The following TIMM22 variants were observed in gnomAD, a reference collection of about 807,000 sequenced individuals.
The protein encoded by TIMM22 is translocase of inner mitochondrial membrane 22.
In TIMM22, 12 loss-of-function variants were observed where a neutral mutation model predicts 18.3. The ratio of observed to expected loss-of-function variants is 0.65; its 90% CI spans 0.42 to 1.06. The LOEUF (loss-of-function observed/expected upper bound fraction) is 1.06. Among genes scored for constraint, TIMM22 ranks in the 50% least tolerant of loss-of-function variants. TIMM22 has a pLI of 0.00. For missense variants in TIMM22, 278 were observed against 252.8 expected, an observed-to-expected ratio of 1.10 and a Z score of -0.68; for synonymous variants, 107 against 98.5, an observed-to-expected ratio of 1.09 and a Z score of -0.51.
chr17:998,859 C>T lies in TIMM22; in HGVS notation c.319C>T (p.Arg107Cys), dbSNP rs142757997. 443 of 1,614,080 alleles carry T rather than the reference C, an allele frequency of 2.7e-4. 1 individual carries two copies. The Middle Eastern group carries it at 0.014, about 50-fold the overall frequency. ...GGGCTTTGACCCTAAGGATCCTTAC[C>T]GTACACCGACTGCAAAAGAAGTGCT... ...NVGFDPKDPY[R>C]TPTAKEVLKD... The change falls in exon 2 of 4, where the codon CGT becomes TGT. Residue 107 changes from arginine (R) to cysteine (C), a missense_variant. Physicochemically the swap from Arg to Cys is radical, Grantham distance 180 (BLOSUM62 -3). Transcript: ENST00000327158.
chr17:1,002,809 A>C lies in TIMM22; in HGVS notation c.*1721A>C, dbSNP rs2069779372. ...TAGCACGTGGGACCAAATACAAGAG[A>C]TGCTGCCCTCACAACAGCCTTGGAA... On this transcript the variant is annotated 3_prime_UTR_variant, in exon 4 of 4. Transcript: ENST00000327158. The C allele has an allele frequency of 6.6e-6, 1 of 152,152 alleles. No homozygotes were observed. The highest frequency in any genetic ancestry group is 6.6e-5 in the Admixed American group (1 of 15,262). 9.4% of individuals were successfully genotyped at this position (152,152 alleles called of 1,614,324 possible).
chr17:997,531 TC>T (rs1278903425), intron 1 of TIMM22, 151 bp downstream of exon 1: 7 of 741,836 alleles, frequency 9.4e-6, no homozygotes, highest in African/African-American at 8.9e-5. Flanking sequence ...GCGTCACCTC[TC>T]CTGCCCCCTC....
In TIMM22 at chr17:1,002,562, G is replaced by A. The variant is rs962598216; in HGVS notation, c.*1474G>A. 6.6e-6 allele frequency: 1 copy of A among 152,180 alleles called. No individual in the cohort carries two copies. The highest frequency in any genetic ancestry group is 1.5e-5 in the Non-Finnish European group (1 of 68,042). 9.4% of individuals were successfully genotyped at this position (152,180 alleles called of 1,614,324 possible). On this transcript the variant is annotated 3_prime_UTR_variant, in exon 4 of 4. Coordinates refer to ENST00000327158, the MANE Select transcript of TIMM22 (RefSeq NM_013337.4). ...ATGTGAGTTCCTGCTCAGGGCTCAT[G>A]TCCTTTTACAGTGAATTCTATATAA...
intron 1 of TIMM22, among the ~76,000 whole-genome samples, chr17:997,925 C>T (rs1328977779): frequency 6.6e-6 from 1 of 152,172 alleles, no homozygotes; most frequent in African/African-American, 2.4e-5. Context: ...ATATCACGTG[C>T]CAGGTGAAAG....
chr17:998,445 A>G (rs2069706831), intron 1 of TIMM22, among the ~76,000 whole-genome samples: 2 of 152,232 alleles, frequency 1.3e-5, no homozygotes, highest in South Asian at 4.1e-4. Context: ...TGAATGTCAC[A>G]GTGGCCAAGA....
At position 1,003,278 on chromosome 17, in the gene TIMM22, G is replaced by A. The variant is rs1002855395; in HGVS notation, c.*2190G>A. 2.6e-5 allele frequency: 4 copies of A among 152,260 alleles called. No homozygotes were observed. The highest frequency in any genetic ancestry group is 7.2e-5 in the African/African-American group (3 of 41,470). 9.4% of individuals were successfully genotyped at this position (152,260 alleles called of 1,614,324 possible). A position where few individuals can be genotyped will look rare whatever the true frequency, so the allele number is the denominator to read the frequency against. On this transcript the variant is annotated 3_prime_UTR_variant, in exon 4 of 4. Coordinates refer to ENST00000327158, the MANE Select transcript of TIMM22 (RefSeq NM_013337.4). ...TACTGTAGCAGCACATGGCAAAGGTGAGCCAGAAGCAGCCTGGATGCTGGC... is the reference window on the plus strand; with the variant it reads ...TACTGTAGCAGCACATGGCAAAGGTAAGCCAGAAGCAGCCTGGATGCTGGC...
chr17:997,639 C>T (rs1229038170), intron 1 of TIMM22, among the ~76,000 whole-genome samples: 2 of 152,172 alleles, frequency 1.3e-5, no homozygotes, highest in Non-Finnish European at 2.9e-5. Context: ...CGGTGAAACC[C>T]CGTCTCTACT....
At chr17:999,036 A>G (rs888538062) in intron 2 of TIMM22, 61 bp downstream of exon 2, 20 of 1,529,538 alleles carry the variant, frequency 1.3e-5, no homozygotes, top group Non-Finnish European at 1.7e-5. Context: ...ACTTTTAAAG[A>G]GAAATTGCTC....
At position 1,003,086 on chromosome 17, in the gene TIMM22, G is replaced by A. The variant is rs959111799; in HGVS notation, c.*1998G>A. ...TCTCTCAAAGGGAGGGTGGGCCCTC[G>A]GAGACCCAGCTTCTCTGACAAGCAG... is the stretch of plus-strand genomic sequence containing the variant. On this transcript the variant is annotated 3_prime_UTR_variant, in exon 4 of 4. Coordinates refer to ENST00000327158, the MANE Select transcript of TIMM22 (RefSeq NM_013337.4). 2 of 152,090 alleles carry A rather than the reference G, an allele frequency of 1.3e-5. No homozygotes were observed. Among genetic ancestry groups the A allele is most frequent in the Non-Finnish European group, 1.5e-5 (1 of 68,030 alleles). The allele number at this position is 152,090 out of a possible 1,614,324, so 9.4% of individuals were successfully genotyped here.
intron 1 of TIMM22, 76 bp from the exon 2 acceptor site, chr17:998,703 T>C: frequency 6.7e-7 from 1 of 1,485,728 alleles, no homozygotes; most frequent in Non-Finnish European, 9.1e-7. Context: ...AAAAGCATGG[T>C]CCCTTCCAGG....
chr17:997,743 G>A (rs2150664214), intron 1 of TIMM22, among the ~76,000 whole-genome samples: 1 of 152,320 alleles, frequency 6.6e-6, no homozygotes, highest in East Asian at 1.9e-4. Context: ...AACCCAGGAG[G>A]CGGAGCTTGC....
chr17:1,002,873 T>A lies in TIMM22; in HGVS notation c.*1785T>A, dbSNP rs746940389. 2.0e-5 allele frequency: 3 copies of A among 152,194 alleles called. No homozygotes were observed. Among genetic ancestry groups the A allele is most frequent in the Admixed American group, 6.6e-5 (1 of 15,264 alleles). 9.4% of individuals were successfully genotyped at this position (152,194 alleles called of 1,614,324 possible). The stretch of plus-strand genomic sequence containing the variant: ...GGGCTGTCAGTACCCATCGGTTCAG[T>A]AAGCGAGGCATTGTCCACGCTGCCT... On this transcript the variant is annotated 3_prime_UTR_variant, in exon 4 of 4. Transcript: ENST00000327158.
intron 2 of TIMM22, 41 bp from the exon 3 acceptor site, chr17:999,471 G>A (rs1377209171): frequency 1.2e-6 from 2 of 1,608,320 alleles, no homozygotes; most frequent in African/African-American, 2.7e-5. Context: ...GTCTGCCTTG[G>A]CTTGTTTCTT....
At chr17:1,000,343 A>G in intron 3 of TIMM22, among the ~76,000 whole-genome samples, 1 of 151,946 alleles carries the variant, frequency 6.6e-6, no homozygotes, top group East Asian at 1.9e-4. Context: ...AAAAAAAAAA[A>G]AAAGAAAACC....
In TIMM22 at chr17:999,539, A is replaced by G. The variant is rs2069722077; in HGVS notation, c.463A>G (p.Ser155Gly). ...CCGGGGAACATCAGACTGGAAGAAC[A>G]GTGTCATCAGTGGCTGCATCACGGG... ...SYRGTSDWKN[S>G]VISGCITGGA... Residue 155 changes from serine to glycine, a missense_variant, in exon 3 of 4, where the codon AGT (serine) becomes GGT (glycine). Ser to Gly is a moderately conservative substitution (Grantham distance 56, BLOSUM62 0). Coordinates refer to ENST00000327158, the MANE Select transcript of TIMM22 (RefSeq NM_013337.4). 1.2e-6 allele frequency: 2 copies of G among 1,613,664 alleles called. No homozygotes were observed. The highest frequency in any genetic ancestry group is 1.3e-5 in the African/African-American group (1 of 74,908).
At chr17:998,705 C>T (rs2069709635) in intron 1 of TIMM22, 74 bp from the exon 2 acceptor site, 1 of 1,485,348 alleles carries the variant, frequency 6.7e-7, no homozygotes, top group African/African-American at 1.4e-5. Flanking sequence ...AAGCATGGTC[C>T]CTTCCAGGAT....
rs548927782 is a variant in TIMM22 at position 999,485 on chromosome 17, C to T, written c.436-27C>T. The T allele has an allele frequency of 6.2e-6, 10 of 1,611,832 alleles. No individual in the cohort carries two copies. In the East Asian group the frequency reaches 1.8e-4, roughly 29 times the overall value. On this transcript the variant is annotated intron_variant, in intron 2 of 3. Coordinates refer to ENST00000327158, the MANE Select transcript of TIMM22 (RefSeq NM_013337.4). ...GGTCTGCCTTGGCTTGTTTCTTTGG[C>T]TCTAACGTGTACTTCCCTGCCCACA...
chr17:997,815 A>G (rs1213600116), intron 1 of TIMM22, among the ~76,000 whole-genome samples: 1 of 151,904 alleles, frequency 6.6e-6, no homozygotes, highest in African/African-American at 2.4e-5. Flanking sequence ...CCGTCTCAAA[A>G]ACAACAACAA....
rs763423901 is a variant in TIMM22 at position 1,001,053 on chromosome 17, G to A, written c.550G>A (p.Ala184Thr). ...GGCCATTGGTTGTGGAGGTTTTGCTGCTTTCTCTGCTGCGATTGATTATTA... is the reference window on the plus strand; with the variant it reads ...GGCCATTGGTTGTGGAGGTTTTGCTACTTTCTCTGCTGCGATTGATTATTA... ...AGAIGCGGFA[A>T]FSAAIDYYLR Residue 184 changes from alanine (A) to threonine (T), a missense_variant, in exon 4 of 4, where the codon GCT (alanine) becomes ACT (threonine). Transcript: ENST00000327158. 1 of 1,614,058 alleles carries A rather than the reference G, an allele frequency of 6.2e-7. No individual in the cohort carries two copies. The highest frequency in any genetic ancestry group is 8.5e-7 in the Non-Finnish European group (1 of 1,179,980).
Sources: gnomAD v4.1 joint callset for allele counts (sites outside exome capture counted in the v4.1 genomes callset) on GRCh38, gnomAD v4.1.1 for gene constraint, MANE v1.5 for transcripts, NCBI Gene and HGNC (gene_info 2026-07-23, HGNC 2026-07-21) for gene names.